ENAH: variants seen among roughly 807,000 people sequenced by gnomAD.
ENAH encodes the protein ENAH actin regulator, also known as protein enabled homolog.
In ENAH, 23 loss-of-function variants were observed where a neutral mutation model predicts 78.7. The observed-to-expected ratio is 0.29, with a 90% CI of 0.21 to 0.41. The LOEUF is 0.41. ENAH is among the 10% of genes least tolerant of loss of function. ENAH has a pLI of 1.00. For synonymous variants in ENAH, 226 were observed against 241.0 expected (o/e 0.94, Z 0.58); for missense variants, 544 against 691.0 (o/e 0.79, Z 2.39).
chr1:225,533,611 T>C, intron 3 of ENAH, among the ~76,000 whole-genome samples: 1 of 152,102 alleles, frequency 6.6e-6, no homozygotes, highest in East Asian at 1.9e-4. Context: ...TGATCTTAAT[T>C]TGTCCTGGCT....
intron 11 of ENAH, among the ~76,000 whole-genome samples, chr1:225,506,263 C>T (rs552481820): frequency 1.3e-5 from 2 of 152,368 alleles, no homozygotes; most frequent in African/African-American, 4.8e-5. Flanking sequence ...TATCAGCTCA[C>T]TGCAACCTCC....
intron 2 of ENAH, among the ~76,000 whole-genome samples, chr1:225,563,397 C>A (rs1281707803): frequency 6.6e-6 from 1 of 152,166 alleles, no homozygotes. Context: ...TGACACTGTA[C>A]AATCCTGTAA....
In ENAH at chr1:225,519,366, G is replaced by A. The variant is rs781169453; in HGVS notation, c.634C>T (p.Arg212Trp). The stretch of plus-strand genomic sequence containing the variant: ...TCCTGCCGCTCCAGGCGTTCCTGCC[G>A]CTCCAGGCGTTCCTGCCGCTCCAGG... ...ERLERQERLE[R>W]QERLERQERL... The change falls in exon 5 of 14, where the codon CGG (arginine) becomes TGG (tryptophan). Residue 212 changes from arginine (R) to tryptophan (W), a missense_variant. By Grantham distance (101) the Arg-to-Trp change is moderately radical. Around this residue, in one of 4 missense-constraint regions of ENAH, gnomAD observed 366 missense variants for 396.1 expected, o/e 0.92. Coordinates refer to ENST00000366843, the MANE Select transcript of ENAH (RefSeq NM_018212.6). 44 of 1,608,962 alleles carry A rather than the reference G, an allele frequency of 2.7e-5. 1 individual carries two copies. Among genetic ancestry groups the A allele is most frequent in the East Asian group, 1.6e-4 (7 of 44,336 alleles).
chr1:225,631,541 T>A (rs1659061899), intron 1 of ENAH, among the ~76,000 whole-genome samples: 1 of 134,808 alleles, frequency 7.4e-6, no homozygotes, highest in African/African-American at 2.9e-5. Context: ...ACCACTACAC[T>A]CCAGCCTGAG....
At chr1:225,571,781 C>T (rs186229001) in intron 1 of ENAH, among the ~76,000 whole-genome samples, 3 of 152,222 alleles carry the variant, frequency 2.0e-5, no homozygotes, top group East Asian at 3.9e-4. Context: ...CCCTGAATGA[C>T]AGGGTCAGAG....
At chr1:225,564,779 A>G (rs536175463) in intron 2 of ENAH, among the ~76,000 whole-genome samples, 2 of 152,094 alleles carry the variant, frequency 1.3e-5, no homozygotes, top group East Asian at 3.9e-4. Context: ...AACAAATACT[A>G]TTTATTTTCA....
At chr1:225,540,800 CCA>C (rs1356816875) in intron 3 of ENAH, among the ~76,000 whole-genome samples, 1 of 151,784 alleles carries the variant, frequency 6.6e-6, no homozygotes, top group Admixed American at 6.6e-5. Flanking sequence ...TCACTATACA[CCA>C]CACTCACACA....
chr1:225,525,425 AC>A (rs1182266920), intron 4 of ENAH, among the ~76,000 whole-genome samples: 2 of 152,068 alleles, frequency 1.3e-5, no homozygotes, highest in African/African-American at 4.8e-5. Flanking sequence ...TCCCTACTTC[AC>A]CCCAAACTCT....
intron 1 of ENAH, among the ~76,000 whole-genome samples, chr1:225,633,267 G>T (rs530732360): frequency 6.6e-6 from 1 of 151,650 alleles, no homozygotes; most frequent in African/African-American, 2.4e-5. Context: ...AGCGAGGATG[G>T]TCTTGATCTC....
chr1:225,509,038 CTTGCT>C (rs2096356442), intron 10 of ENAH, among the ~76,000 whole-genome samples: 2 of 152,272 alleles, frequency 1.3e-5, no homozygotes, highest in East Asian at 3.9e-4. Flanking sequence ...CATTATTGAT[CTTGCT>C]TTACTCCTCA....
At chr1:225,587,899 A>G (rs2096855264) in intron 1 of ENAH, among the ~76,000 whole-genome samples, 1 of 152,184 alleles carries the variant, frequency 6.6e-6, no homozygotes, top group Non-Finnish European at 1.5e-5. Flanking sequence ...TAATCTTTTC[A>G]ATAAGTGGTG....
At chr1:225,612,749 G>A (rs1258473692) in intron 1 of ENAH, among the ~76,000 whole-genome samples, 1 of 151,880 alleles carries the variant, frequency 6.6e-6, no homozygotes, top group Non-Finnish European at 1.5e-5. Flanking sequence ...TCATATCTTT[G>A]CCCCAGTTTA....
At chr1:225,587,510 A>T (rs1027571931) in intron 1 of ENAH, among the ~76,000 whole-genome samples, 2 of 152,336 alleles carry the variant, frequency 1.3e-5, no homozygotes, top group African/African-American at 2.4e-5. Flanking sequence ...GAGAAATTTT[A>T]AAAAACTTAA....
At chr1:225,497,952 C>A (rs2096258327) in intron 13 of ENAH, 140 bp from the exon 14 acceptor site, 1 of 639,036 alleles carries the variant, frequency 1.6e-6, no homozygotes, top group Non-Finnish European at 2.7e-6. Context: ...TCATTGCACA[C>A]ATCTTTAATA....
In ENAH at chr1:225,491,489, TAAAAG is replaced by T. The variant is rs1187288720; in HGVS notation, c.*6281_*6285del. The T allele has an allele frequency of 7.2e-6, 1 of 139,538 alleles. No individual in the cohort carries two copies. Among genetic ancestry groups the T allele is most frequent in the Admixed American group, 7.1e-5 (1 of 14,142 alleles). The allele number at this position is 139,538 out of a possible 1,614,324, so 8.6% of individuals were successfully genotyped here. ...TGCCTTTAATCTTTAAAAAAAAAAA[TAAAAG>T]AAAAAGAAAAAAAGAAAAGAGGTTT... On this transcript the variant is annotated 3_prime_UTR_variant, in exon 14 of 14. Coordinates refer to ENST00000366843, the MANE Select transcript of ENAH (RefSeq NM_018212.6).
rs368993614 is a variant in ENAH at position 225,653,057 on chromosome 1, C to A, written c.-367G>T. 2.0e-4 allele frequency: 32 copies of A among 162,052 alleles called. 1 individual carries two copies. In the East Asian group the frequency reaches 3.8e-3, roughly 19 times the overall value. The allele number at this position is 162,052 out of a possible 1,614,324, so 10.0% of individuals were successfully genotyped here. On this transcript the variant is annotated 5_prime_UTR_variant, in exon 1 of 14. Coordinates refer to ENST00000366843, the MANE Select transcript of ENAH (RefSeq NM_018212.6). The surrounding 1 kb of genome is among the most constrained non-coding windows in gnomAD (Gnocchi z 4.3). ...GCGCCCGGCCGCCGCTCCACAGGCC[C>A]GCGCTCGCCGCGCCGCCGCCGAGGC...
In ENAH at chr1:225,512,984, A is replaced by G; in HGVS notation, c.1251T>C (p.Asn417=). The part of the protein sequence containing the change: ...MEDTSFPSGG[N]AIGVNSASSK... Reference sequence around the variant, plus strand: ...ATGAGGCGGAGTTCACACCAATAGCATTCCCTCCACTTGGGAAAGAGGTAT... The same window carrying G: ...ATGAGGCGGAGTTCACACCAATAGCGTTCCCTCCACTTGGGAAAGAGGTAT... The change falls in exon 8 of 14, where the codon AAT becomes AAC. Residue 417 remains asparagine (N), a synonymous_variant. Transcript: ENST00000366843. The G allele has an allele frequency of 6.2e-7, 1 of 1,613,502 alleles. No homozygotes were observed. The highest frequency in any genetic ancestry group is 8.5e-7 in the Non-Finnish European group (1 of 1,179,700).
At chr1:225,601,918 T>A (rs138240285) in intron 1 of ENAH, among the ~76,000 whole-genome samples, 6 of 144,828 alleles carry the variant, frequency 4.1e-5, no homozygotes, top group African/African-American at 7.6e-5. Flanking sequence ...AATAAGAAGG[T>A]GAAAAAAAAG....
chr1:225,599,796 T>A (rs945278641), intron 1 of ENAH, among the ~76,000 whole-genome samples: 37 of 82,966 alleles, frequency 4.5e-4, no homozygotes, highest in Non-Finnish European at 1.4e-4. Flanking sequence ...GACTCCGTCT[T>A]AAAAAAAAAA....
Sources: allele counts gnomAD v4.1 joint callset (sites outside exome capture counted in the v4.1 genomes callset), GRCh38; gene constraint gnomAD v4.1.1; regional missense constraint gnomAD v4.1.1; non-coding constraint Gnocchi (gnomAD v3.1); transcripts MANE v1.5; gene names NCBI Gene and HGNC (gene_info 2026-07-23, HGNC 2026-07-21).